PTPRD: variants seen among roughly 807,000 people sequenced by gnomAD.
PTPRD encodes the protein protein tyrosine phosphatase receptor type D.
In PTPRD, 34 loss-of-function variants were observed where a neutral mutation model predicts 214.5. That is an observed-to-expected ratio of 0.16 (90% CI 0.12 to 0.21). PTPRD has a LOEUF of 0.21. Ranked by LOEUF, PTPRD falls within the 10% of genes least tolerant of loss-of-function variation. The pLI, the probability that PTPRD is intolerant of heterozygous loss-of-function variation, is 1.00. For synonymous variants in PTPRD, 1,128 were observed against 845.7 expected (o/e 1.33, Z -5.79); for missense variants, 2,545 against 2,398.7 (o/e 1.06, Z -1.27).
intron 6 of PTPRD, among the ~76,000 whole-genome samples, chr9:9,740,236 A>G (rs922405729): frequency 6.6e-6 from 1 of 152,168 alleles, no homozygotes; most frequent in African/African-American, 2.4e-5. Flanking sequence ...TTCTTTCCCT[A>G]TAAGCTACAT....
intron 9 of PTPRD, among the ~76,000 whole-genome samples, chr9:9,326,289 G>A (rs1267671195): frequency 6.6e-6 from 1 of 151,920 alleles, no homozygotes; most frequent in Admixed American, 6.6e-5. Context: ...TAATTCATGT[G>A]GATAATAGAG....
intron 9 of PTPRD, among the ~76,000 whole-genome samples, chr9:9,219,870 C>T (rs1054391724): frequency 6.6e-6 from 1 of 152,198 alleles, no homozygotes; most frequent in African/African-American, 2.4e-5. Context: ...GCCCCAATTT[C>T]AGCAAAACAT....
intron 5 of PTPRD, among the ~76,000 whole-genome samples, chr9:9,802,744 A>G (rs576091246): frequency 6.6e-6 from 1 of 151,896 alleles, no homozygotes; most frequent in East Asian, 1.9e-4. Context: ...GAATACACCT[A>G]TCAGTTTTTT....
intron 11 of PTPRD, among the ~76,000 whole-genome samples, chr9:8,905,663 A>G (rs1205764078): frequency 6.7e-6 from 1 of 149,850 alleles, no homozygotes; most frequent in Non-Finnish European, 1.5e-5. Flanking sequence ...CACTTGAACC[A>G]GGGAGACCGA....
chr9:10,409,591 C>T (rs893294384), intron 2 of PTPRD, among the ~76,000 whole-genome samples: 6 of 151,810 alleles, frequency 4.0e-5, no homozygotes, highest in African/African-American at 1.4e-4. Flanking sequence ...CAGTTATACT[C>T]TACTCTTAAT....
rs75038225 is a variant in PTPRD, at chr9:9,760,670, C to T, written c.-326+6140G>A. On this transcript the variant is annotated intron_variant, in intron 6 of 45. Transcript: ENST00000381196. The stretch of plus-strand genomic sequence containing the variant: ...CACACACACATATATATATATATTC[C>T]AGCACTGTTCATACGTGTACTCAAA... Among the ~76,000 whole-genome samples, 4,535 of 145,968 alleles carry T rather than the reference C, an allele frequency of 0.031. 517 individuals are homozygous for T. The East Asian group carries it at 0.39, about 12-fold the overall frequency.
intron 2 of PTPRD, among the ~76,000 whole-genome samples, chr9:10,579,512 A>G (rs534472136): frequency 6.6e-6 from 1 of 152,124 alleles, no homozygotes; most frequent in African/African-American, 2.4e-5. Flanking sequence ...TATCCAGTCC[A>G]CTGTTGATGG....
intron 7 of PTPRD, among the ~76,000 whole-genome samples, chr9:9,687,891 GAATTGTA>G (rs2097194004): frequency 6.6e-6 from 1 of 151,744 alleles, no homozygotes; most frequent in South Asian, 2.1e-4. Flanking sequence ...CTCTTATCTC[GAATTGTA>G]ATCCCAATAA....
intron 5 of PTPRD, among the ~76,000 whole-genome samples, 183 bp from the exon 6 acceptor site, chr9:9,767,034 CA>C (rs1565106011): frequency 6.7e-6 from 1 of 149,400 alleles, no homozygotes; most frequent in East Asian, 2.0e-4. Context: ...CACATTAAGA[CA>C]AAAAAGACAG....
At chr9:9,903,063 G>T (rs2076766572) in intron 5 of PTPRD, among the ~76,000 whole-genome samples, 1 of 135,414 alleles carries the variant, frequency 7.4e-6, no homozygotes, top group Non-Finnish European at 1.6e-5. Context: ...ATGTATATGT[G>T]TATTTGAGCT....
intron 10 of PTPRD, among the ~76,000 whole-genome samples, chr9:9,141,221 T>G (rs1165231112): frequency 1.7e-5 from 2 of 120,018 alleles, no homozygotes; most frequent in East Asian, 2.9e-4. Context: ...TCCCTCCCCC[T>G]TCTCTCTCCT....
At chr9:10,083,919 C>T (rs755098128) in intron 3 of PTPRD, among the ~76,000 whole-genome samples, 5 of 151,918 alleles carry the variant, frequency 3.3e-5, no homozygotes, top group Admixed American at 6.6e-5. Flanking sequence ...CAGACCAGTC[C>T]CTGTCTGCAC....
rs2073676397 is a variant in PTPRD, at chr9:8,525,013, A to G, written c.591T>C (p.Ser197=). The change falls in exon 18 of 46, where the codon AGT becomes AGC. Residue 197 remains serine, a synonymous_variant. Coordinates refer to ENST00000381196, the MANE Select transcript of PTPRD (RefSeq NM_002839.4). ...CATATTTTCCTTGGTCAGACTCTTC[A>G]CTCTGCTCAATCTGAAGGGCTCCTG... The part of the protein sequence containing the change: ...PIRGALQIEQ[S]EESDQGKYEC... The G allele has an allele frequency of 6.2e-7, 1 of 1,613,494 alleles. No homozygotes were observed. The highest frequency in any genetic ancestry group is 8.5e-7 in the Non-Finnish European group (1 of 1,179,630).
rs373584095 is a variant in PTPRD, at chr9:9,111,738, G to C, written c.-143+71566C>G. On this transcript the variant is annotated intron_variant, in intron 10 of 45. Transcript: ENST00000381196. Reference sequence around the variant, plus strand: ...TGGCCACATATTTATTTTTTTCCTAGTGAAAATTCTTTTCCTTTTTGTGGA... The same window carrying C: ...TGGCCACATATTTATTTTTTTCCTACTGAAAATTCTTTTCCTTTTTGTGGA... Among the ~76,000 whole-genome samples, 9 of 152,080 alleles carry C rather than the reference G, an allele frequency of 5.9e-5. No individual in the cohort carries two copies. In the South Asian group the frequency reaches 1.5e-3, roughly 25 times the overall value.
intron 7 of PTPRD, among the ~76,000 whole-genome samples, chr9:9,733,922 G>T (rs958621107): frequency 6.6e-6 from 1 of 152,136 alleles, no homozygotes; most frequent in East Asian, 1.9e-4. Context: ...TGAATACAAA[G>T]CTGCTGTTTG....
intron 11 of PTPRD, among the ~76,000 whole-genome samples, chr9:8,925,938 T>G (rs2098886669): frequency 6.6e-6 from 1 of 151,372 alleles, no homozygotes; most frequent in Admixed American, 6.6e-5. Context: ...TTCTATTGAG[T>G]TAATATTTCT....
In PTPRD at chr9:9,400,491, T is replaced by C. The variant is rs536702627; in HGVS notation, c.-236-3009A>G. Among the ~76,000 whole-genome samples, 71 of 152,128 alleles carry C rather than the reference T, an allele frequency of 4.7e-4. 1 individual carries two copies. The highest frequency in any genetic ancestry group is 6.2e-4 in the South Asian group (3 of 4,826). ...TTTTCAATGACGTATAATTGTTAAC[T>C]GTGGATCTAATTCGCTACCTTTATC... On this transcript the variant is annotated intron_variant, in intron 8 of 45. Transcript: ENST00000381196.
chr9:8,735,139 T>G (rs148061838), intron 11 of PTPRD, among the ~76,000 whole-genome samples: 9,691 of 128,112 alleles, frequency 0.076, 462 homozygotes, highest in South Asian at 0.24. Context: ...TTTTTTTTTG[T>G]TTTTTTTTTT....
intron 2 of PTPRD, among the ~76,000 whole-genome samples, chr9:10,357,221 G>A (rs535077837): frequency 6.6e-6 from 1 of 152,212 alleles, no homozygotes; most frequent in South Asian, 2.1e-4. Context: ...TGTACACCAG[G>A]TATTTTTGAG....
Sources: allele counts gnomAD v4.1 joint callset (sites outside exome capture counted in the v4.1 genomes callset), GRCh38; gene constraint gnomAD v4.1.1; transcripts MANE v1.5; gene names NCBI Gene and HGNC (gene_info 2026-07-23, HGNC 2026-07-21).